Variants in NRXN1 observed in about 807,000 individuals in gnomAD.
NRXN1 encodes neurexin-1.
A neutral mutation model predicts 150.9 loss-of-function variants in NRXN1; 39 were observed. The ratio of observed to expected loss-of-function variants is 0.26; its 90% CI spans 0.20 to 0.34. The LOEUF is 0.34. Ranked by LOEUF, NRXN1 falls within the 10% of genes least tolerant of loss-of-function variation. NRXN1 has a pLI of 1.00. For synonymous variants in NRXN1, 924 were observed against 757.0 expected, an observed-to-expected ratio of 1.22 and a Z score of -3.62; for missense variants, 1,815 against 1,949.9, an observed-to-expected ratio of 0.93 and a Z score of 1.30.
chr2:50,047,681 C>A (rs1239362309), intron 21 of NRXN1, among the ~76,000 whole-genome samples: 1 of 150,444 alleles, frequency 6.6e-6, no homozygotes, highest in Admixed American at 6.7e-5. Context: ...TTCCCTTCCA[C>A]ACACAGGCAT....
chr2:50,237,778 A>G (rs1046371528), intron 17 of NRXN1, among the ~76,000 whole-genome samples: 2 of 151,976 alleles, frequency 1.3e-5, no homozygotes, highest in African/African-American at 4.8e-5. Flanking sequence ...TCAGCATTTG[A>G]TATGGTTTGG....
chr2:50,803,398 T>A (rs1420838249), intron 5 of NRXN1, among the ~76,000 whole-genome samples: 4 of 152,188 alleles, frequency 2.6e-5, no homozygotes, highest in African/African-American at 7.2e-5. Context: ...GAGTCATAAA[T>A]CCTTCCCCAG....
chr2:50,022,577 G>A (rs1285302005), intron 21 of NRXN1: 1 of 152,176 alleles, frequency 6.6e-6, no homozygotes, highest in Non-Finnish European at 1.5e-5. Flanking sequence ...TAAAGAATGT[G>A]TGCAAAATTT....
Position 50,828,205 on chromosome 2 carries a change from C to A in NRXN1, c.832+93664G>T, listed in dbSNP as rs574212259. ...GGCCGGGCAGAGGCACCCCTCACCT[C>A]CCGGACGGGGCGGCCGGGCAGAGGC... On this transcript the variant is annotated intron_variant, in intron 5 of 22. Transcript: ENST00000401669. Among the ~76,000 whole-genome samples, 565 of 151,094 alleles carry A rather than the reference C, an allele frequency of 3.7e-3. 4 individuals are homozygous for A. Among genetic ancestry groups the A allele is most frequent in the African/African-American group, 0.013 (541 of 41,174 alleles).
At chr2:50,944,490 T>C (rs998338670) in intron 2 of NRXN1, among the ~76,000 whole-genome samples, 31 of 152,316 alleles carry the variant, frequency 2.0e-4, no homozygotes, top group African/African-American at 7.0e-4. Context: ...AGCTAATGAA[T>C]AATAGACACC....
At chr2:50,556,171 A>ATT (rs970367287) in intron 8 of NRXN1, among the ~76,000 whole-genome samples, 5 of 152,104 alleles carry the variant, frequency 3.3e-5, no homozygotes, top group Non-Finnish European at 1.5e-5. Context: ...TCTGACCCAG[A>ATT]TTTTATAATT....
At chr2:50,529,050 C>G (rs1449023368) in intron 11 of NRXN1, 1 of 160,672 alleles carries the variant, frequency 6.2e-6, no homozygotes, top group Admixed American at 6.5e-5. Context: ...GCTCAGACAT[C>G]TTGGACCTCC....
At chr2:50,091,107 G>C (rs144829656) in intron 19 of NRXN1, among the ~76,000 whole-genome samples, 7 of 152,206 alleles carry the variant, frequency 4.6e-5, no homozygotes, top group Admixed American at 3.9e-4. Context: ...TTTTGAAAAC[G>C]ATAATGTACA....
intron 21 of NRXN1, among the ~76,000 whole-genome samples, chr2:50,051,777 G>A (rs552256328): frequency 1.2e-4 from 19 of 152,090 alleles, no homozygotes; most frequent in South Asian, 8.3e-4. Context: ...CAGGGGTTTC[G>A]TTTGCTGTTA....
intron 17 of NRXN1, among the ~76,000 whole-genome samples, chr2:50,449,919 A>G (rs1481748630): frequency 6.6e-6 from 1 of 152,178 alleles, no homozygotes; most frequent in African/African-American, 2.4e-5. Context: ...TCCATTTTAC[A>G]GATGAAGAAG....
intron 5 of NRXN1, among the ~76,000 whole-genome samples, chr2:50,838,624 G>A (rs1257358519): frequency 6.6e-6 from 1 of 152,086 alleles, no homozygotes; most frequent in African/African-American, 2.4e-5. Context: ...TTTGGTCACA[G>A]GGACAGACAT....
intron 21 of NRXN1, among the ~76,000 whole-genome samples, chr2:49,945,529 C>T (rs2104399348): frequency 6.6e-6 from 1 of 152,042 alleles, no homozygotes; most frequent in South Asian, 2.1e-4. Context: ...TAATGCTATA[C>T]CTCCCCTAGA....
At chr2:50,789,539 C>G (rs543435678) in intron 5 of NRXN1, among the ~76,000 whole-genome samples, 29 of 152,280 alleles carry the variant, frequency 1.9e-4, no homozygotes, top group South Asian at 1.0e-3. Context: ...CTGAAAATAA[C>G]AGCAGTGTCT....
At chr2:50,109,532 TTTGCGGGGTTCTC>T (rs1313280446) in intron 18 of NRXN1, among the ~76,000 whole-genome samples, 2 of 151,880 alleles carry the variant, frequency 1.3e-5, no homozygotes, top group African/African-American at 4.8e-5. Flanking sequence ...TGTTTATCAG[TTTGCGGGGTTCTC>T]TTGGGTTTAT....
intron 18 of NRXN1, among the ~76,000 whole-genome samples, chr2:50,123,373 A>G (rs1034991137): frequency 1.3e-5 from 2 of 152,216 alleles, no homozygotes; most frequent in African/African-American, 4.8e-5. Flanking sequence ...GAAAGACTAC[A>G]TAGAAAGGCT....
intron 9 of NRXN1, among the ~76,000 whole-genome samples, chr2:50,548,525 T>TA (rs1188897211): frequency 1.3e-5 from 2 of 152,074 alleles, no homozygotes; most frequent in African/African-American, 4.8e-5. Flanking sequence ...ATGATGCTGC[T>TA]AATTTATTTT....
At chr2:50,578,562 C>T (rs1416458504) in intron 8 of NRXN1, among the ~76,000 whole-genome samples, 1 of 152,090 alleles carries the variant, frequency 6.6e-6, no homozygotes, top group Non-Finnish European at 1.5e-5. Context: ...CACAGTCTAC[C>T]TATCTTAATT....
chr2:50,104,522 C>G (rs957823321), intron 18 of NRXN1, among the ~76,000 whole-genome samples: 5 of 151,838 alleles, frequency 3.3e-5, no homozygotes, highest in African/African-American at 9.7e-5. Flanking sequence ...TGTGGATATT[C>G]CAGAAGGGCA....
intron 18 of NRXN1, among the ~76,000 whole-genome samples, chr2:50,175,672 C>T (rs545132252): frequency 1.3e-5 from 2 of 151,764 alleles, no homozygotes; most frequent in Non-Finnish European, 2.9e-5. Context: ...TATACATTTA[C>T]AACAAAGAAA....
Sources: allele counts gnomAD v4.1 joint callset (sites outside exome capture counted in the v4.1 genomes callset), GRCh38; gene constraint gnomAD v4.1.1; transcripts MANE v1.5; gene names NCBI Gene and HGNC (gene_info 2026-07-23, HGNC 2026-07-21).